CDKAL1: variants seen among roughly 807,000 people sequenced by gnomAD.
CDKAL1 encodes the protein CDKAL1 threonylcarbamoyladenosine tRNA methylthiotransferase.
In CDKAL1, 32 loss-of-function variants were observed where a neutral mutation model predicts 68.2. The ratio of observed to expected loss-of-function variants is 0.47; its 90% confidence interval spans 0.35 to 0.63. CDKAL1 has a LOEUF of 0.63. Among genes scored for constraint, CDKAL1 ranks in the 30% least tolerant of loss-of-function variants. The pLI is 0.00. For synonymous variants in CDKAL1, 234 were observed against 244.3 expected, an observed-to-expected ratio of 0.96 and a Z score of 0.39; for missense variants, 606 against 696.7, an observed-to-expected ratio of 0.87 and a Z score of 1.47.
intron 9 of CDKAL1, among the ~76,000 whole-genome samples, chr6:20,855,668 A>G (rs914054042): frequency 6.6e-6 from 1 of 152,138 alleles, no homozygotes; most frequent in Non-Finnish European, 1.5e-5. Context: ...GTGAGGTGGT[A>G]TAGCTAGGTC....
At chr6:20,579,535 A>G (rs897092007) in intron 4 of CDKAL1, among the ~76,000 whole-genome samples, 5 of 152,192 alleles carry the variant, frequency 3.3e-5, no homozygotes, top group African/African-American at 1.2e-4. Context: ...TATGTATATT[A>G]ATTCTCAAAA....
chr6:20,561,454 A>G (rs1055114381), intron 4 of CDKAL1, among the ~76,000 whole-genome samples: 3 of 146,276 alleles, frequency 2.1e-5, no homozygotes, highest in Non-Finnish European at 3.0e-5. Flanking sequence ...AAGAAAAAAA[A>G]AAAAAAAAAA....
chr6:21,181,162 C>T (rs1214781078), intron 13 of CDKAL1, among the ~76,000 whole-genome samples: 1 of 152,324 alleles, frequency 6.6e-6, no homozygotes, highest in Admixed American at 6.5e-5. Context: ...AGCTAACCAA[C>T]TCCGGAGATA....
At chr6:20,669,985 G>A (rs1229925914) in intron 5 of CDKAL1, among the ~76,000 whole-genome samples, 2 of 151,948 alleles carry the variant, frequency 1.3e-5, no homozygotes, top group African/African-American at 2.4e-5. Flanking sequence ...AAAACACGAG[G>A]TTGTACTCTT....
chr6:21,056,511 T>TTA (rs1284397265), intron 11 of CDKAL1, among the ~76,000 whole-genome samples: 1 of 152,224 alleles, frequency 6.6e-6, no homozygotes, highest in African/African-American at 2.4e-5. Context: ...TAAATACACT[T>TTA]TATTTTCTTC....
intron 13 of CDKAL1, among the ~76,000 whole-genome samples, chr6:21,146,712 G>T (rs776800761): frequency 6.6e-6 from 1 of 151,910 alleles, no homozygotes; most frequent in Non-Finnish European, 1.5e-5. Context: ...TCAGCTGGGC[G>T]TGGTGGTGGG....
At chr6:20,648,875 A>T (rs1303640280) in intron 4 of CDKAL1, among the ~76,000 whole-genome samples, 1 of 152,180 alleles carries the variant, frequency 6.6e-6, no homozygotes, top group Non-Finnish European at 1.5e-5. Context: ...AAGGCAGACA[A>T]GTTAGGTTTT....
intron 11 of CDKAL1, among the ~76,000 whole-genome samples, chr6:21,039,745 T>G (rs1305338865): frequency 6.6e-6 from 1 of 152,246 alleles, no homozygotes; most frequent in Non-Finnish European, 1.5e-5. Flanking sequence ...ACTCAAATTT[T>G]TTTTTAGAGA....
At chr6:20,998,983 A>G (rs919362433) in intron 10 of CDKAL1, among the ~76,000 whole-genome samples, 1 of 152,356 alleles carries the variant, frequency 6.6e-6, no homozygotes, top group Non-Finnish European at 1.5e-5. Flanking sequence ...GTTGATCCGT[A>G]TGCATGACTA....
chr6:20,544,571 G>T lies in CDKAL1; in HGVS notation c.-5-1775G>T, dbSNP rs577991562. Among the ~76,000 whole-genome samples, 98 of 128,514 alleles carry T rather than the reference G, an allele frequency of 7.6e-4. No homozygotes were observed. In the South Asian group the frequency reaches 9.6e-3, roughly 13 times the overall value. The allele number at this position is 128,514 out of a possible 152,430, so 84.3% of individuals were successfully genotyped here. A position where few individuals can be genotyped will look rare whatever the true frequency, so the allele number is the denominator to read the frequency against. ...AGATCGCGCCACTGCACTCCAGCCT[G>T]GGCCACAGAGCGAAACTCCGTCTCA... is the stretch of plus-strand genomic sequence containing the variant. On this transcript the variant is annotated intron_variant, in intron 2 of 15. Transcript: ENST00000274695.
intron 9 of CDKAL1, among the ~76,000 whole-genome samples, chr6:20,901,417 G>A (rs1761955736): frequency 6.6e-6 from 1 of 151,914 alleles, no homozygotes; most frequent in Non-Finnish European, 1.5e-5. Flanking sequence ...GCTCACACCT[G>A]TAATCCCAGC....
chr6:20,581,864 C>T (rs1765155265), intron 4 of CDKAL1, among the ~76,000 whole-genome samples: 1 of 152,144 alleles, frequency 6.6e-6, no homozygotes, highest in Non-Finnish European at 1.5e-5. Flanking sequence ...CAGGATAATG[C>T]CAAAAACTTA....
intron 10 of CDKAL1, among the ~76,000 whole-genome samples, chr6:20,984,554 A>G (rs190819024): frequency 3.0e-4 from 45 of 152,294 alleles, no homozygotes; most frequent in African/African-American, 1.1e-3. Context: ...TCTGGCTTCC[A>G]GGAGGAATGA....
intron 9 of CDKAL1, among the ~76,000 whole-genome samples, chr6:20,876,217 G>A (rs779826587): frequency 2.0e-5 from 3 of 152,222 alleles, no homozygotes; most frequent in African/African-American, 7.2e-5. Flanking sequence ...ATAAGAACCT[G>A]TAGTTTAAAA....
At chr6:21,099,667 C>T (rs1387119809) in intron 12 of CDKAL1, among the ~76,000 whole-genome samples, 1 of 152,204 alleles carries the variant, frequency 6.6e-6, no homozygotes, top group African/African-American at 2.4e-5. Context: ...ATATTTATAG[C>T]AACTCGTGTT....
At chr6:20,737,014 A>G (rs1387312813) in intron 5 of CDKAL1, among the ~76,000 whole-genome samples, 2 of 152,188 alleles carry the variant, frequency 1.3e-5, no homozygotes, top group Non-Finnish European at 2.9e-5. Context: ...AGAGACTCTC[A>G]ACCCTCTTAA....
At chr6:21,169,785 A>T (rs1476150803) in intron 13 of CDKAL1, among the ~76,000 whole-genome samples, 2 of 152,168 alleles carry the variant, frequency 1.3e-5, no homozygotes, top group African/African-American at 4.8e-5. Flanking sequence ...CCTCATAATC[A>T]TGGTGGAAGG....
At chr6:21,021,974 G>A (rs1451782493) in intron 11 of CDKAL1, among the ~76,000 whole-genome samples, 2 of 152,072 alleles carry the variant, frequency 1.3e-5, no homozygotes, top group Non-Finnish European at 2.9e-5. Flanking sequence ...ATTTACCTTT[G>A]GCTGGGGTAT....
At chr6:20,571,189 C>G in intron 4 of CDKAL1, among the ~76,000 whole-genome samples, 1 of 152,298 alleles carries the variant, frequency 6.6e-6, no homozygotes, top group East Asian at 1.9e-4. Flanking sequence ...TTGAGTTACT[C>G]TGTGCAAGGC....
Sources: allele counts gnomAD v4.1 joint callset (sites outside exome capture counted in the v4.1 genomes callset), GRCh38; gene constraint gnomAD v4.1.1; transcripts MANE v1.5; gene names NCBI Gene and HGNC (gene_info 2026-07-23, HGNC 2026-07-21).